Variants in PLCE1 observed in about 807,000 individuals in gnomAD.
PLCE1 encodes 1-phosphatidylinositol 4,5-bisphosphate phosphodiesterase epsilon-1.
In PLCE1, 119 loss-of-function variants were observed where a neutral mutation model predicts 242.8. The observed-to-expected ratio is 0.49, with a 90% CI of 0.42 to 0.57. PLCE1 has a LOEUF of 0.57. Ranked by LOEUF, PLCE1 falls within the 20% of genes least tolerant of loss-of-function variation. PLCE1 has a pLI of 0.00. For missense variants in PLCE1, 2,441 were observed against 2,788.8 expected, an observed-to-expected ratio of 0.88 and a Z score of 2.81; for synonymous variants, 945 against 1,017.4, an observed-to-expected ratio of 0.93 and a Z score of 1.35.
chr10:94,008,953 C>CT (rs750044951), intron 1 of PLCE1, among the ~76,000 whole-genome samples: 12 of 152,160 alleles, frequency 7.9e-5, no homozygotes, highest in Admixed American at 2.0e-4. Context: ...GAGGTGAACT[C>CT]TAAGTACTGC....
intron 4 of PLCE1, among the ~76,000 whole-genome samples, chr10:94,222,331 C>CTTCA (rs375517855): frequency 0.01 from 1,547 of 152,086 alleles, 13 homozygotes; most frequent in African/African-American, 0.028. Flanking sequence ...AGGAGGTAAG[C>CTTCA]TTCATTCATT....
intron 2 of PLCE1, among the ~76,000 whole-genome samples, chr10:94,033,470 T>C (rs1005892277): frequency 6.6e-6 from 1 of 152,156 alleles, no homozygotes; most frequent in East Asian, 1.9e-4. Flanking sequence ...GTGACTTCTA[T>C]TGGTGACAAG....
At chr10:94,076,229 G>A (rs555444263) in intron 2 of PLCE1, among the ~76,000 whole-genome samples, 7 of 152,142 alleles carry the variant, frequency 4.6e-5, no homozygotes, top group Admixed American at 2.6e-4. Context: ...AAAGGGGTAC[G>A]GGATATCCTT....
intron 2 of PLCE1, among the ~76,000 whole-genome samples, chr10:94,123,549 C>A (rs2046356761): frequency 6.6e-6 from 1 of 152,220 alleles, no homozygotes; most frequent in Non-Finnish European, 1.5e-5. Flanking sequence ...TACCAAAATT[C>A]TCCTCCCCAT....
In PLCE1 at chr10:94,308,662, A is replaced by T; in HGVS notation, c.5966A>T (p.Glu1989Val). 1 of 1,612,094 alleles carries T rather than the reference A, an allele frequency of 6.2e-7. No homozygotes were observed. The change falls in exon 27 of 33, where the codon GAA becomes GTA. Residue 1989 changes from glutamate to valine, a missense_variant. By Grantham distance (121) the Glu-to-Val change is moderately radical. Transcript: ENST00000371380. The part of the protein sequence containing the change: ...SSLFINSRRM[E>V]ENSSGNTMSA... ...TTATTCATTAACAGCAGAAGGATGG[A>T]AGAAAATTCCTCTGGCAATACCATG...
At chr10:94,287,648 T>A (rs1013204172) in intron 22 of PLCE1, among the ~76,000 whole-genome samples, 1 of 151,946 alleles carries the variant, frequency 6.6e-6, no homozygotes, top group African/African-American at 2.4e-5. Flanking sequence ...GTAGTTGAAT[T>A]TTTTCGACCT....
At chr10:94,237,355 G>T (rs1326670824) in intron 7 of PLCE1, among the ~76,000 whole-genome samples, 1 of 152,180 alleles carries the variant, frequency 6.6e-6, no homozygotes, top group African/African-American at 2.4e-5. Flanking sequence ...CACTTTTACT[G>T]AGTGTCAGAC....
intron 4 of PLCE1, among the ~76,000 whole-genome samples, 168 bp downstream of exon 4, chr10:94,171,664 C>T (rs1313917637): frequency 6.6e-6 from 1 of 151,974 alleles, no homozygotes; most frequent in Non-Finnish European, 1.5e-5. Flanking sequence ...CATCACATTG[C>T]AATCCTTCCT....
At chr10:94,249,292 T>C (rs1378456452) in intron 8 of PLCE1, among the ~76,000 whole-genome samples, 1 of 152,138 alleles carries the variant, frequency 6.6e-6, no homozygotes, top group Non-Finnish European at 1.5e-5. Context: ...CCAAACTGAC[T>C]CAGGGATCAC....
chr10:94,252,531 C>G, intron 9 of PLCE1, 33 bp downstream of exon 9: 1 of 1,568,302 alleles, frequency 6.4e-7, no homozygotes, highest in Non-Finnish European at 8.7e-7. Context: ...AGCATTAAAC[C>G]CATCTTCCAG....
At chr10:94,048,874 C>A (rs2043682110) in intron 2 of PLCE1, among the ~76,000 whole-genome samples, 1 of 151,288 alleles carries the variant, frequency 6.6e-6, no homozygotes, top group South Asian at 2.1e-4. Context: ...TTCAAAAGAT[C>A]CTCCCTACTT....
At chr10:94,220,669 T>C (rs1190961702) in intron 4 of PLCE1, among the ~76,000 whole-genome samples, 8 of 151,958 alleles carry the variant, frequency 5.3e-5, no homozygotes, top group African/African-American at 1.9e-4. Context: ...ACAACAGTAC[T>C]TGCAGCAGCA....
At chr10:94,230,603 G>A (rs1486188947) in intron 5 of PLCE1, among the ~76,000 whole-genome samples, 1 of 146,740 alleles carries the variant, frequency 6.8e-6, no homozygotes, top group Non-Finnish European at 1.5e-5. Flanking sequence ...AGGATTACAG[G>A]CATGAGGTAA....
chr10:94,096,721 A>G (rs1300608796), intron 2 of PLCE1: 2 of 152,166 alleles, frequency 1.3e-5, no homozygotes, highest in Non-Finnish European at 2.9e-5. Context: ...AAATCACATG[A>G]TGGTTATGAA....
chr10:94,031,196 T>A lies in PLCE1; in HGVS notation c.150T>A (p.Thr50=), dbSNP rs777541684. 1.1e-5 allele frequency: 17 copies of A among 1,613,824 alleles called. No individual in the cohort carries two copies. In the South Asian group the frequency reaches 1.9e-4, roughly 18 times the overall value. Reference sequence around the variant, plus strand: ...ATACTGTCAGACGAAGTGGGGAGACTTCTCATACCATCTCACAACTGAACA... The same window carrying A: ...ATACTGTCAGACGAAGTGGGGAGACATCTCATACCATCTCACAACTGAACA... ...KAHTVRRSGE[T]SHTISQLNKL... The change falls in exon 2 of 33, where the codon ACT becomes ACA. Residue 50 remains threonine, a synonymous_variant. Transcript: ENST00000371380.
chr10:94,168,568 C>A (rs1009837598), intron 3 of PLCE1, among the ~76,000 whole-genome samples: 1 of 152,080 alleles, frequency 6.6e-6, no homozygotes, highest in African/African-American at 2.4e-5. Flanking sequence ...TCTTTTTATT[C>A]TTTAATTTAT....
chr10:94,101,747 G>A lies in PLCE1; in HGVS notation c.1207-30427G>A, dbSNP rs571861755. Among the ~76,000 whole-genome samples the A allele has an allele frequency of 2.0e-5, 3 of 152,342 alleles. No homozygotes were observed. The East Asian group carries it at 5.8e-4, about 29-fold the overall frequency. On this transcript the variant is annotated intron_variant, in intron 2 of 32. Coordinates refer to ENST00000371380, the MANE Select transcript of PLCE1 (RefSeq NM_016341.4). ...GGGCTGGCTTGCCTTTGGAGGCAGA[G>A]GTTGTGGGCACGGGAAGGATGTTGC...
chr10:94,226,940 G>A (rs532213976), intron 4 of PLCE1, among the ~76,000 whole-genome samples: 87 of 146,244 alleles, frequency 5.9e-4, no homozygotes, highest in African/African-American at 2.1e-3. Context: ...CTCGCTGCTC[G>A]CTGCAACCTT....
intron 20 of PLCE1, among the ~76,000 whole-genome samples, chr10:94,281,797 A>G (rs1484747673): frequency 6.6e-6 from 1 of 152,056 alleles, no homozygotes; most frequent in Admixed American, 6.6e-5. Flanking sequence ...TGATTCTCAA[A>G]CAGGCCTTGT....
Sources: gnomAD v4.1 joint callset for allele counts (sites outside exome capture counted in the v4.1 genomes callset) on GRCh38, gnomAD v4.1.1 for gene constraint, MANE v1.5 for transcripts, NCBI Gene and HGNC (gene_info 2026-07-23, HGNC 2026-07-21) for gene names.